The following HADHB variants were observed in gnomAD, a reference collection of about 807,000 sequenced individuals.
HADHB encodes the protein trifunctional enzyme subunit beta, mitochondrial.
In HADHB, 50 loss-of-function variants were observed where a neutral mutation model predicts 61.9. The ratio of observed to expected loss-of-function variants is 0.81; its 90% CI spans 0.64 to 1.02. The LOEUF (loss-of-function observed/expected upper bound fraction) is 1.02, where lower values mean the gene tolerates loss of function less well. Ranked by LOEUF, HADHB falls within the 50% of genes least tolerant of loss-of-function variation. The pLI is 0.00. For missense variants in HADHB, 504 were observed against 586.5 expected, an observed-to-expected ratio of 0.86 and a Z score of 1.45; for synonymous variants, 191 against 201.6, an observed-to-expected ratio of 0.95 and a Z score of 0.45.
chr2:26,283,290 C>T (rs544062573), intron 12 of HADHB, among the ~76,000 whole-genome samples: 24 of 152,008 alleles, frequency 1.6e-4, no homozygotes, highest in African/African-American at 5.1e-4. Flanking sequence ...TTTGGGAGGC[C>T]GAGGTGGGCA....
chr2:26,250,549 T>C (rs963765243), intron 1 of HADHB, among the ~76,000 whole-genome samples: 1 of 152,128 alleles, frequency 6.6e-6, no homozygotes, highest in African/African-American at 2.4e-5. Context: ...AAATATTCTC[T>C]GAGGCTGGAT....
chr2:26,284,992 C>T (rs779023352), intron 14 of HADHB, 35 bp downstream of exon 14: 9 of 1,019,486 alleles, frequency 8.8e-6, no homozygotes, highest in Non-Finnish European at 1.4e-5. Flanking sequence ...CGTGAATTTT[C>T]AAAGCACGTT....
At position 26,276,976 on chromosome 2, in the gene HADHB, A is replaced by G. The variant is rs1032632436; in HGVS notation, c.355-97A>G. 9 of 756,780 alleles carry G rather than the reference A, an allele frequency of 1.2e-5. No individual in the cohort carries two copies. In the African/African-American group the frequency reaches 1.5e-4, roughly 13 times the overall value. The allele number at this position is 756,780 out of a possible 1,614,324, so 46.9% of individuals were successfully genotyped here. A position where few individuals can be genotyped will look rare whatever the true frequency, so the allele number is the denominator to read the frequency against. Reference sequence around the variant, plus strand: ...TTGCTCTGGAGAATGTTAAACTGAAACCGTTTCCAGATGACTATGAAGATT... The same window carrying G: ...TTGCTCTGGAGAATGTTAAACTGAAGCCGTTTCCAGATGACTATGAAGATT... On this transcript the variant is annotated intron_variant, in intron 6 of 15. Transcript: ENST00000317799.
intron 1 of HADHB, among the ~76,000 whole-genome samples, chr2:26,250,855 T>C (rs1322260506): frequency 6.6e-6 from 1 of 151,490 alleles, no homozygotes; most frequent in Non-Finnish European, 1.5e-5. Flanking sequence ...ATGTATATAT[T>C]ATATTCTCCG....
intron 1 of HADHB, among the ~76,000 whole-genome samples, chr2:26,250,354 C>G (rs1671351006): frequency 1.3e-5 from 2 of 151,996 alleles, no homozygotes; most frequent in Admixed American, 1.3e-4. Flanking sequence ...GGGTATCAAC[C>G]CTTTTCTGTT....
intron 1 of HADHB, among the ~76,000 whole-genome samples, chr2:26,248,125 T>C (rs911598711): frequency 2.0e-5 from 3 of 152,352 alleles, no homozygotes; most frequent in Non-Finnish European, 4.4e-5. Context: ...TTTCCAGTTA[T>C]TCTAATCTAT....
intron 3 of HADHB, among the ~76,000 whole-genome samples, chr2:26,262,283 A>G (rs867283501): frequency 2.0e-5 from 3 of 152,208 alleles, no homozygotes; most frequent in Admixed American, 6.5e-5. Context: ...CAACATTAAC[A>G]AAAACAAGAA....
intron 13 of HADHB, among the ~76,000 whole-genome samples, chr2:26,284,485 C>CA (rs1672936451): frequency 6.8e-6 from 1 of 147,406 alleles, no homozygotes; most frequent in African/African-American, 2.5e-5. Flanking sequence ...TTTTTGGAGA[C>CA]AGAGTCTTGC....
At chr2:26,280,474 ACAGT>A (rs1359010798) in intron 10 of HADHB, among the ~76,000 whole-genome samples, 4 of 152,188 alleles carry the variant, frequency 2.6e-5, no homozygotes, top group Non-Finnish European at 5.9e-5. Flanking sequence ...AGATGGGGGG[ACAGT>A]CAGAGAGTCT....
At chr2:26,260,085 T>C (rs984406928) in intron 3 of HADHB, among the ~76,000 whole-genome samples, 2 of 150,500 alleles carry the variant, frequency 1.3e-5, no homozygotes, top group African/African-American at 4.9e-5. Context: ...TTTCTGGTTT[T>C]TTTTTTTTTT....
At chr2:26,261,222 C>CA (rs1553319421) in intron 3 of HADHB, 37 of 474,768 alleles carry the variant, frequency 7.8e-5, no homozygotes, top group Non-Finnish European at 1.2e-4. Context: ...ACCCCCCCCC[C>CA]ATCCAGACAA....
rs567405884 is a variant in HADHB at position 26,248,310 on chromosome 2, C to T, written c.-9+3320C>T. 3.9e-5 allele frequency among the ~76,000 whole-genome samples: 6 copies of T among 152,068 alleles called. No individual in the cohort carries two copies. In the South Asian group the frequency reaches 1.2e-3, roughly 32 times the overall value. On this transcript the variant is annotated intron_variant, in intron 1 of 15. Transcript: ENST00000317799. ...ATACTATAACTTACTTAACTGTTTC[C>T]TACTGATGTGCATTTAGATTAGTTA...
chr2:26,280,226 T>C (rs183146501), intron 10 of HADHB, 111 bp downstream of exon 10: 3 of 877,796 alleles, frequency 3.4e-6, no homozygotes, highest in African/African-American at 1.7e-5. Flanking sequence ...GTTAAAAATA[T>C]AGTTATTCAT....
At chr2:26,249,818 A>G (rs950185012) in intron 1 of HADHB, among the ~76,000 whole-genome samples, 15 of 152,038 alleles carry the variant, frequency 9.9e-5, no homozygotes, top group African/African-American at 3.6e-4. Flanking sequence ...AATGCCGTGC[A>G]TGGTTGTTTG....
At chr2:26,246,013 G>C (rs1000165142) in intron 1 of HADHB, among the ~76,000 whole-genome samples, 2 of 152,228 alleles carry the variant, frequency 1.3e-5, no homozygotes, top group African/African-American at 2.4e-5. Context: ...TGAGTATAGA[G>C]ACAGAGTAGA....
At chr2:26,257,381 A>G (rs1033135885) in intron 3 of HADHB, among the ~76,000 whole-genome samples, 25 of 151,810 alleles carry the variant, frequency 1.6e-4, no homozygotes, top group Non-Finnish European at 3.2e-4. Flanking sequence ...CGGCCTCCCA[A>G]AGTGCTGGGA....
chr2:26,276,051 T>A (rs532253399), intron 6 of HADHB, among the ~76,000 whole-genome samples: 58 of 152,306 alleles, frequency 3.8e-4, no homozygotes, highest in Non-Finnish European at 7.9e-4. Flanking sequence ...AAAGTAAAAC[T>A]TTAATATTAT....
chr2:26,267,934 G>A (rs1222706182), intron 4 of HADHB, among the ~76,000 whole-genome samples: 3 of 152,110 alleles, frequency 2.0e-5, no homozygotes, highest in Admixed American at 6.6e-5. Context: ...GAGGCCAGGA[G>A]TTCGAGACCG....
chr2:26,254,456 C>G lies in HADHB; in HGVS notation c.91C>G (p.Gln31Glu), dbSNP rs764825824. 5 of 1,599,562 alleles carry G rather than the reference C, an allele frequency of 3.1e-6. No homozygotes were observed. The highest frequency in any genetic ancestry group is 3.3e-5 in the Admixed American group (2 of 59,996). ...FSIRPLSCSSQLRAAPAVQTK... is the reference protein window; with the variant it reads ...FSIRPLSCSSELRAAPAVQTK... The stretch of plus-strand genomic sequence containing the variant: ...CATAAGACCTCTGAGCTGTTCCTCC[C>G]AGCTACGAGCTGCCCCAGGTACAGT... Residue 31 changes from glutamine (Q) to glutamate (E), a missense_variant, in exon 3 of 16, where the codon CAG becomes GAG. Gln to Glu is a conservative substitution (Grantham distance 29). Transcript: ENST00000317799.
Sources: allele counts gnomAD v4.1 joint callset (sites outside exome capture counted in the v4.1 genomes callset), GRCh38; gene constraint gnomAD v4.1.1; transcripts MANE v1.5; gene names NCBI Gene and HGNC (gene_info 2026-07-23, HGNC 2026-07-21).